The following SLC35F4 variants were observed in gnomAD, a reference collection of about 807,000 sequenced individuals.
The protein encoded by SLC35F4 is solute carrier family 35 member F4.
In SLC35F4, 24 loss-of-function variants were observed where a neutral mutation model predicts 44.2. The observed-to-expected ratio is 0.54, with a 90% CI of 0.39 to 0.76. The LOEUF is 0.76. Among genes scored for constraint, SLC35F4 ranks in the 30% least tolerant of loss-of-function variants. The probability of loss-of-function intolerance (pLI) is 0.00; values close to 1 mark genes in which losing one functional copy is unlikely to be tolerated. For synonymous variants in SLC35F4, 238 were observed against 223.6 expected (o/e 1.06, Z -0.57); for missense variants, 562 against 586.1 (o/e 0.96, Z 0.42).
chr14:57,797,920 G>C (rs111833136), intron 1 of SLC35F4, among the ~76,000 whole-genome samples: 1 of 151,914 alleles, frequency 6.6e-6, no homozygotes, highest in East Asian at 1.9e-4. Context: ...GTAATACAAA[G>C]TAGAGACATA....
chr14:57,971,589 C>A (rs2141094810), intron 1 of SLC35F4, among the ~76,000 whole-genome samples: 1 of 152,322 alleles, frequency 6.6e-6, no homozygotes, highest in East Asian at 1.9e-4. Context: ...CCATTTGCTA[C>A]AACTGGATGA....
In SLC35F4 at chr14:57,935,149, G is replaced by A. The variant is rs1011457044; in HGVS notation, n.282+46764C>T. Among the ~76,000 whole-genome samples the A allele has an allele frequency of 2.6e-5, 4 of 152,318 alleles. No individual in the cohort carries two copies. In the East Asian group the frequency reaches 7.7e-4, roughly 29 times the overall value. ...GGAGTGAGTGAGGGTGGTAGAGGAA[G>A]AGAGAAGTTACCTTCCCATGATTTT... is the stretch of plus-strand genomic sequence containing the variant. On this transcript the variant is annotated intron_variant and non_coding_transcript_variant, in intron 1 of 1. Coordinates refer to the SLC35F4 transcript ENST00000556568.
chr14:57,732,157 A>C lies in SLC35F4; in HGVS notation c.103+133566T>G, dbSNP rs78160636. 8.9e-3 allele frequency among the ~76,000 whole-genome samples: 1,349 copies of C among 152,272 alleles called. 9 individuals are homozygous for C. Among genetic ancestry groups the C allele is most frequent in the Non-Finnish European group, 0.015 (1,052 of 68,036 alleles). On this transcript the variant is annotated intron_variant, in intron 1 of 7. Transcript: ENST00000556826. ...AGTGTTAGGTAGTTTCATAATATTA[A>C]ATTTTTCTGTTTTGAGCTTTATTTT...
intron 1 of SLC35F4, among the ~76,000 whole-genome samples, chr14:57,871,304 CCT>C (rs1888293104): frequency 6.6e-6 from 1 of 152,156 alleles, no homozygotes; most frequent in South Asian, 2.1e-4. Flanking sequence ...AAAGATCTCC[CCT>C]GACTGCATAA....
chr14:57,601,890 G>T (rs1026904651), intron 1 of SLC35F4, among the ~76,000 whole-genome samples: 1 of 152,146 alleles, frequency 6.6e-6, no homozygotes, highest in African/African-American at 2.4e-5. Flanking sequence ...TTTTACAGAT[G>T]AGGAAAGAGA....
At chr14:57,668,415 T>C (rs2074394905) in intron 1 of SLC35F4, among the ~76,000 whole-genome samples, 1 of 152,074 alleles carries the variant, frequency 6.6e-6, no homozygotes, top group Non-Finnish European at 1.5e-5. Flanking sequence ...CATGCCTATG[T>C]CCTGAATGGT....
At chr14:57,608,933 GT>G (rs1456943395) in intron 1 of SLC35F4, among the ~76,000 whole-genome samples, 5 of 152,282 alleles carry the variant, frequency 3.3e-5, no homozygotes, top group African/African-American at 1.2e-4. Flanking sequence ...TGTTGGTGGA[GT>G]AGCAGGGGCA....
At chr14:57,976,103 A>G (rs2141097959), downstream of SLC35F4, among the ~76,000 whole-genome samples, 1 of 152,346 alleles carries the variant, frequency 6.6e-6, no homozygotes, top group Non-Finnish European at 1.5e-5. Flanking sequence ...AATCTAAGTC[A>G]GTACAGAGAC....
At chr14:57,742,102 C>T (rs923386449) in intron 1 of SLC35F4, among the ~76,000 whole-genome samples, 8 of 152,002 alleles carry the variant, frequency 5.3e-5, no homozygotes, top group East Asian at 3.9e-4. Context: ...ACAACCGGTA[C>T]GAGCCACTGA....
At chr14:57,655,791 CT>C (rs1468160193) in intron 1 of SLC35F4, among the ~76,000 whole-genome samples, 5 of 152,180 alleles carry the variant, frequency 3.3e-5, no homozygotes, top group African/African-American at 1.2e-4. Flanking sequence ...AGTGTCATGA[CT>C]CACAACCAAT....
intron 1 of SLC35F4, among the ~76,000 whole-genome samples, chr14:57,792,130 T>C (rs1009581996): frequency 2.0e-4 from 31 of 151,750 alleles, no homozygotes; most frequent in East Asian, 3.9e-4. Flanking sequence ...AAAAGGAAGA[T>C]ATATGAATGG....
chr14:57,667,894 C>A (rs199976176), intron 1 of SLC35F4, among the ~76,000 whole-genome samples: 21,178 of 136,100 alleles, frequency 0.16, 1,811 homozygotes, highest in East Asian at 0.28. Context: ...TTCTAGATCC[C>A]TGAGGAATTG....
chr14:57,708,304 T>C (rs747311161), intron 1 of SLC35F4, among the ~76,000 whole-genome samples: 1 of 152,156 alleles, frequency 6.6e-6, no homozygotes, highest in Non-Finnish European at 1.5e-5. Context: ...CAGCACTCCC[T>C]ACTTCCCAAG....
At chr14:57,885,120 C>T (rs143398073) in intron 1 of SLC35F4, among the ~76,000 whole-genome samples, 5 of 152,208 alleles carry the variant, frequency 3.3e-5, no homozygotes, top group African/African-American at 1.2e-4. Flanking sequence ...GAGGCTCCTG[C>T]CCCCAACACA....
At chr14:57,598,031 T>G (rs1038196285) in intron 1 of SLC35F4, among the ~76,000 whole-genome samples, 2 of 152,160 alleles carry the variant, frequency 1.3e-5, no homozygotes, top group Non-Finnish European at 2.9e-5. Context: ...GGTTTAAAGC[T>G]AAAAGGGGAG....
intron 1 of SLC35F4, among the ~76,000 whole-genome samples, chr14:57,638,441 C>T (rs541256648): frequency 1.3e-5 from 2 of 152,154 alleles, no homozygotes; most frequent in South Asian, 4.1e-4. Context: ...GGGGCCCCTT[C>T]GTGAATATTC....
At chr14:57,732,575 T>A (rs1218040578) in intron 1 of SLC35F4, among the ~76,000 whole-genome samples, 2 of 152,110 alleles carry the variant, frequency 1.3e-5, no homozygotes, top group Non-Finnish European at 1.5e-5. Context: ...CAACCAGAAG[T>A]TGAGCCCTTC....
intron 1 of SLC35F4, among the ~76,000 whole-genome samples, chr14:57,691,706 T>C (rs2075235546): frequency 6.6e-6 from 1 of 152,226 alleles, no homozygotes; most frequent in African/African-American, 2.4e-5. Flanking sequence ...CATTTAAAGA[T>C]ATTCAGCTGG....
intron 1 of SLC35F4, among the ~76,000 whole-genome samples, chr14:57,798,778 C>T (rs1334928379): frequency 1.3e-5 from 2 of 152,142 alleles, no homozygotes; most frequent in East Asian, 1.9e-4. Context: ...GCCAGCGGCA[C>T]GTCCTGCTCA....
Sources: gnomAD v4.1 joint callset for allele counts (sites outside exome capture counted in the v4.1 genomes callset) on GRCh38, gnomAD v4.1.1 for gene constraint, MANE v1.5 for transcripts, NCBI Gene and HGNC (gene_info 2026-07-23, HGNC 2026-07-21) for gene names.